TRPC5: variants seen among roughly 807,000 people sequenced by gnomAD.
TRPC5 encodes short transient receptor potential channel 5.
Under a neutral mutation model 56.5 loss-of-function variants are expected in TRPC5, and 9 were observed. The ratio of observed to expected loss-of-function variants is 0.16; its 90% CI spans 0.10 to 0.28. TRPC5 has a LOEUF of 0.28. Among genes scored for constraint, TRPC5 ranks in the 10% least tolerant of loss-of-function variants. The probability of loss-of-function intolerance (pLI) is 1.00; values close to 1 mark genes in which losing one functional copy is unlikely to be tolerated. For synonymous variants in TRPC5, 282 were observed against 278.5 expected (o/e 1.01, Z -0.13); for missense variants, 469 against 748.9 (o/e 0.63, Z 4.36).
chrX:111,790,630 C>T (rs1356779050), intron 7 of TRPC5, among the ~76,000 whole-genome samples: 10 of 111,368 alleles, frequency 9.0e-5, no homozygotes, highest in Middle Eastern at 4.6e-3. Context: ...TTTATGCTGA[C>T]AGCCTTCTTC....
chrX:111,853,643 T>C (rs1264391490), intron 4 of TRPC5, 127 bp downstream of exon 4: 6 of 586,269 alleles, frequency 1.0e-5, no homozygotes, highest in Non-Finnish European at 1.7e-5. Context: ...AACAAAGGAC[T>C]ACCACACTGC....
chrX:111,871,726 A>G (rs1405454079), intron 3 of TRPC5, among the ~76,000 whole-genome samples: 1 of 111,802 alleles, frequency 8.9e-6, no homozygotes, highest in African/African-American at 3.3e-5. Context: ...CTGGATATGT[A>G]GTCTTGAAGT....
intron 1 of TRPC5, among the ~76,000 whole-genome samples, chrX:112,048,170 A>G (rs1329717770): frequency 1.8e-5 from 2 of 112,074 alleles, no homozygotes; most frequent in Non-Finnish European, 3.8e-5. Context: ...GTGGTTTTGC[A>G]TTCACTAAAT....
chrX:111,777,068 G>C, intron 10 of TRPC5, 66 bp from the exon 11 acceptor site: 1 of 934,146 alleles, frequency 1.1e-6, no homozygotes, highest in South Asian at 3.5e-5. Flanking sequence ...AGGCACATTA[G>C]ATACCTTTGG....
rs1335675168 is a variant in TRPC5 at position 111,866,445 on chromosome X, T to A, written c.901-12339A>T. On this transcript the variant is annotated intron_variant, in intron 3 of 10. Coordinates refer to ENST00000262839, the MANE Select transcript of TRPC5 (RefSeq NM_012471.3). ...CTAAATCTTTTCTTCACAAATGAGC[T>A]AGGATCCTCACTGCAGTTGTTGATT... 2.6e-5 allele frequency among the ~76,000 whole-genome samples: 3 copies of A among 113,289 alleles called. No individual in the cohort carries two copies. The Admixed American group carries it at 2.8e-4, about 10-fold the overall frequency.
intron 3 of TRPC5, among the ~76,000 whole-genome samples, chrX:111,876,440 C>T (rs1417344525): frequency 2.7e-5 from 3 of 111,530 alleles, no homozygotes; most frequent in East Asian, 5.6e-4. Context: ...TTGGGCACGC[C>T]GTACCCCTTA....
chrX:111,852,982 A>T (rs1428684126), intron 4 of TRPC5, among the ~76,000 whole-genome samples: 1 of 110,862 alleles, frequency 9.0e-6, no homozygotes, highest in African/African-American at 3.3e-5. Context: ...GTAAAATTTT[A>T]CCTGATGACA....
chrX:111,795,181 T>C (rs1286458734), intron 7 of TRPC5, among the ~76,000 whole-genome samples: 1 of 111,098 alleles, frequency 9.0e-6, no homozygotes, highest in Admixed American at 9.7e-5. Context: ...TAACATAGAC[T>C]AGAAGTAGTG....
At chrX:111,845,462 G>A (rs963990138) in intron 6 of TRPC5, among the ~76,000 whole-genome samples, 1 of 111,657 alleles carries the variant, frequency 9.0e-6, no homozygotes, top group Non-Finnish European at 1.9e-5. Context: ...TGCTAGGCAA[G>A]TGATAGGAGC....
intron 1 of TRPC5, among the ~76,000 whole-genome samples, chrX:111,968,081 A>G (rs1352624716): frequency 9.0e-6 from 1 of 110,653 alleles, no homozygotes; most frequent in Non-Finnish European, 1.9e-5. Flanking sequence ...TCCTCTGACA[A>G]AGGGCTCATA....
At chrX:111,825,101 AT>A (rs1445326179) in intron 7 of TRPC5, among the ~76,000 whole-genome samples, 1 of 104,064 alleles carries the variant, frequency 9.6e-6, no homozygotes, top group African/African-American at 3.6e-5. Context: ...ACTTTCTTTC[AT>A]TTTCTCTTTC....
chrX:111,847,429 C>T lies in TRPC5; in HGVS notation c.1385G>A (p.Gly462Asp), dbSNP rs1922963503. 1 of 1,203,105 alleles carries T rather than the reference C, an allele frequency of 8.3e-7. No homozygotes were observed. Residue 462 changes from glycine (G) to aspartate (D), a missense_variant, in exon 6 of 11, where the codon GGT (glycine) becomes GAT (aspartate). By Grantham distance (94) the Gly-to-Asp change is moderately conservative. This residue lies in a region of TRPC5 where 157 missense variants were observed against 360.0 expected (regional missense o/e 0.44). Transcript: ENST00000262839. ...TTCCCATTCCTCCCTTGGACGAGAA[C>T]CATTATACTGAAAGAAACAACAAGT... ...LKIVAYVKYN[G>D]SRPREEWEMW... is the part of the protein sequence containing the mutation.
rs940176633 is a variant in TRPC5 at position 111,774,719 on chromosome X, T to G, written c.*1594A>C. 1 of 111,531 alleles carries G rather than the reference T, an allele frequency of 9.0e-6. No homozygotes were observed. Among genetic ancestry groups the G allele is most frequent in the African/African-American group, 3.3e-5 (1 of 30,669 alleles). The allele number at this position is 111,531 out of a possible 1,213,427, so 9.2% of individuals were successfully genotyped here. Reference sequence around the variant, plus strand: ...AAACCACACTTATCAAAAGCTAGTTTGGAGGCATATTTGCAGTTCGAAAGT... The same window carrying G: ...AAACCACACTTATCAAAAGCTAGTTGGGAGGCATATTTGCAGTTCGAAAGT... On this transcript the variant is annotated 3_prime_UTR_variant, in exon 11 of 11. Transcript: ENST00000262839.
chrX:112,050,238 C>T (rs1241403820), intron 1 of TRPC5, among the ~76,000 whole-genome samples: 2 of 112,512 alleles, frequency 1.8e-5, no homozygotes, highest in African/African-American at 6.5e-5. Context: ...TTTGTTATCC[C>T]AGCATTTTCG....
At chrX:111,844,756 C>T (rs1189128421) in intron 6 of TRPC5, among the ~76,000 whole-genome samples, 1 of 110,285 alleles carries the variant, frequency 9.1e-6, no homozygotes, top group African/African-American at 3.3e-5. Flanking sequence ...TGGGTCACCG[C>T]GACTGGCCTG....
chrX:111,937,115 T>C (rs1926608311), intron 2 of TRPC5, among the ~76,000 whole-genome samples: 1 of 106,048 alleles, frequency 9.4e-6, no homozygotes, highest in South Asian at 3.8e-4. Context: ...CATTTTTTCA[T>C]GTGTTTTTTG....
At chrX:111,922,057 T>C (rs958077335) in intron 2 of TRPC5, among the ~76,000 whole-genome samples, 8 of 112,471 alleles carry the variant, frequency 7.1e-5, no homozygotes, top group African/African-American at 2.6e-4. Flanking sequence ...ATACTCCTTT[T>C]TCCCCACTGT....
intron 2 of TRPC5, among the ~76,000 whole-genome samples, chrX:111,942,864 A>T (rs1300706675): frequency 8.9e-6 from 1 of 112,181 alleles, no homozygotes; most frequent in Non-Finnish European, 1.9e-5. Context: ...CTGATGCTTA[A>T]ACAAGGTAAA....
intron 2 of TRPC5, among the ~76,000 whole-genome samples, chrX:111,936,070 G>C (rs1926564039): frequency 8.9e-6 from 1 of 111,865 alleles, no homozygotes; most frequent in South Asian, 3.7e-4. Context: ...TAGCAATATT[G>C]ATTCTTCTAA....
Sources: gnomAD v4.1 joint callset for allele counts (sites outside exome capture counted in the v4.1 genomes callset) on GRCh38, gnomAD v4.1.1 for gene constraint, gnomAD v4.1.1 regional missense constraint, MANE v1.5 for transcripts, NCBI Gene and HGNC (gene_info 2026-07-23, HGNC 2026-07-21) for gene names.